The following CACNA2D3 variants were observed in gnomAD, a reference collection of about 807,000 sequenced individuals.
The protein encoded by CACNA2D3 is voltage-dependent calcium channel subunit alpha-2/delta-3.
In CACNA2D3, 60 loss-of-function variants were observed where a neutral mutation model predicts 160.6. The observed-to-expected ratio is 0.37, with a 90% CI of 0.30 to 0.46. The LOEUF is 0.46. Among genes scored for constraint, CACNA2D3 ranks in the 20% least tolerant of loss-of-function variants. The probability of loss-of-function intolerance (pLI) is 1.00; values close to 1 mark genes in which losing one functional copy is unlikely to be tolerated. For missense variants in CACNA2D3, 1,205 were observed against 1,365.0 expected, an observed-to-expected ratio of 0.88 and a Z score of 1.85; for synonymous variants, 558 against 492.9, an observed-to-expected ratio of 1.13 and a Z score of -1.75.
chr3:54,788,047 C>T (rs961503515), intron 13 of CACNA2D3, among the ~76,000 whole-genome samples: 7 of 152,102 alleles, frequency 4.6e-5, no homozygotes, highest in African/African-American at 1.4e-4. Context: ...TTCTGATGGC[C>T]GCCATTTTAT....
intron 5 of CACNA2D3, among the ~76,000 whole-genome samples, chr3:54,522,838 C>T (rs1701665400): frequency 6.6e-6 from 1 of 152,166 alleles, no homozygotes; most frequent in African/African-American, 2.4e-5. Context: ...TCTCATCTCT[C>T]AACACTGTTG....
intron 2 of CACNA2D3, among the ~76,000 whole-genome samples, chr3:54,203,267 CGATGGGGGTGTGG>C (rs533956275): frequency 1.2e-4 from 18 of 152,128 alleles, no homozygotes; most frequent in Non-Finnish European, 2.1e-4. Context: ...GCAGGGCGTG[CGATGGGGGTGTGG>C]CTCGCTTCTT....
chr3:55,024,774 A>G (rs1019620350), intron 35 of CACNA2D3, among the ~76,000 whole-genome samples: 1 of 152,214 alleles, frequency 6.6e-6, no homozygotes, highest in Non-Finnish European at 1.5e-5. Context: ...ACACCTGTAA[A>G]CCATTCTGCT....
In CACNA2D3 at chr3:54,984,640, AT is replaced by A; in HGVS notation, c.2592del (p.Phe864LeufsTer22). On this transcript the variant is annotated frameshift_variant, in exon 30 of 38. Coordinates refer to ENST00000474759, the MANE Select transcript of CACNA2D3 (RefSeq NM_018398.3). LOFTEE classifies it high-confidence loss of function. The part of the protein sequence containing the change: ...VNCYLIDNNG[F>X]ILVSEDYTQT... ...ATTGTTACCTCATAGACAATAATGG[AT>A]TTATTTTGGTGTCTGAAGACTACAC... The A allele has an allele frequency of 6.4e-7, 1 of 1,562,244 alleles. No homozygotes were observed. Among genetic ancestry groups the A allele is most frequent in the South Asian group, 1.2e-5 (1 of 84,454 alleles).
chr3:54,606,430 C>T (rs1349127073), intron 9 of CACNA2D3, among the ~76,000 whole-genome samples: 1 of 152,012 alleles, frequency 6.6e-6, no homozygotes, highest in East Asian at 1.9e-4. Context: ...GATGGTGGCT[C>T]ACCCCAGGGT....
At chr3:54,407,971 C>T (rs1334195932) in intron 4 of CACNA2D3, among the ~76,000 whole-genome samples, 2 of 152,104 alleles carry the variant, frequency 1.3e-5, no homozygotes, top group African/African-American at 4.8e-5. Flanking sequence ...TTCATTCAGC[C>T]AATAGTTGTT....
intron 4 of CACNA2D3, among the ~76,000 whole-genome samples, chr3:54,497,259 A>G (rs932381412): frequency 2.2e-5 from 3 of 137,786 alleles, no homozygotes; most frequent in East Asian, 2.1e-4. Context: ...CTCCATTTAT[A>G]TAAGTCTTCT....
At chr3:54,645,051 T>C (rs1360082433) in intron 11 of CACNA2D3, among the ~76,000 whole-genome samples, 1 of 152,236 alleles carries the variant, frequency 6.6e-6, no homozygotes. Flanking sequence ...CACACTGCTA[T>C]AAAGAACTGC....
intron 6 of CACNA2D3, among the ~76,000 whole-genome samples, chr3:54,566,703 C>CT (rs771842109): frequency 1.3e-5 from 2 of 152,164 alleles, no homozygotes; most frequent in Non-Finnish European, 2.9e-5. Flanking sequence ...AGACTGTCAC[C>CT]TTTCTATAGC....
At chr3:54,156,871 A>G (rs73844320) in intron 2 of CACNA2D3, among the ~76,000 whole-genome samples, 2,849 of 152,260 alleles carry the variant, frequency 0.019, 88 homozygotes, top group African/African-American at 0.065. Context: ...CCCTTCCCCA[A>G]TTCCTGACCC....
intron 2 of CACNA2D3, among the ~76,000 whole-genome samples, chr3:54,275,305 C>T (rs758503800): frequency 3.3e-5 from 5 of 152,132 alleles, no homozygotes; most frequent in African/African-American, 7.2e-5. Flanking sequence ...TGCACCCCTC[C>T]CCTAGGCAGG....
chr3:54,536,946 G>A (rs547644691), intron 5 of CACNA2D3, among the ~76,000 whole-genome samples: 196 of 152,254 alleles, frequency 1.3e-3, no homozygotes, highest in African/African-American at 3.9e-3. Context: ...CCTCGGTGGC[G>A]GAGATGCAGT....
intron 4 of CACNA2D3, among the ~76,000 whole-genome samples, chr3:54,457,039 A>G (rs1244578825): frequency 6.6e-6 from 1 of 151,606 alleles, no homozygotes; most frequent in Non-Finnish European, 1.5e-5. Flanking sequence ...CAAAAAGCCA[A>G]CTTTTCATTT....
At chr3:54,626,329 C>T (rs1236669235) in intron 9 of CACNA2D3, 8 of 1,553,420 alleles carry the variant, frequency 5.1e-6, no homozygotes, top group Non-Finnish European at 7.0e-6. Flanking sequence ...GTACAGTGCG[C>T]GCCAGCAGCG....
At chr3:54,618,199 C>T (rs951348899) in intron 9 of CACNA2D3, among the ~76,000 whole-genome samples, 7 of 151,656 alleles carry the variant, frequency 4.6e-5, no homozygotes, top group African/African-American at 1.7e-4. Context: ...TCTTTATCTT[C>T]CATGAGGTTG....
At chr3:54,703,224 CTTAAA>C (rs1482306065) in intron 11 of CACNA2D3, among the ~76,000 whole-genome samples, 2 of 151,424 alleles carry the variant, frequency 1.3e-5, no homozygotes, top group African/African-American at 2.4e-5. Context: ...ACCCCCTGAA[CTTAAA>C]TTAAAAGTTG....
intron 9 of CACNA2D3, among the ~76,000 whole-genome samples, chr3:54,602,308 G>A (rs1703075084): frequency 6.6e-6 from 1 of 152,014 alleles, no homozygotes; most frequent in Non-Finnish European, 1.5e-5. Flanking sequence ...GACCAGCCTG[G>A]CCAACATGGC....
At chr3:54,849,469 A>G (rs1699009124) in intron 17 of CACNA2D3, among the ~76,000 whole-genome samples, 1 of 152,072 alleles carries the variant, frequency 6.6e-6, no homozygotes, top group Non-Finnish European at 1.5e-5. Context: ...AACCAGTTTC[A>G]TTTTTACTTA....
chr3:54,718,555 T>A (rs1701107003), intron 11 of CACNA2D3, among the ~76,000 whole-genome samples: 1 of 152,106 alleles, frequency 6.6e-6, no homozygotes, highest in Non-Finnish European at 1.5e-5. Context: ...TGTTTATGTT[T>A]GTACTCTGTT....
Sources: gnomAD v4.1 joint callset for allele counts (sites outside exome capture counted in the v4.1 genomes callset) on GRCh38, gnomAD v4.1.1 for gene constraint, MANE v1.5 for transcripts, NCBI Gene and HGNC (gene_info 2026-07-23, HGNC 2026-07-21) for gene names.